Variants in ZSCAN5A observed in about 807,000 individuals in gnomAD.
The protein encoded by ZSCAN5A is zinc finger and SCAN domain-containing protein 5A.
In ZSCAN5A, 12 loss-of-function variants were observed where a neutral mutation model predicts 23.7. The observed-to-expected ratio is 0.51, with a 90% CI of 0.32 to 0.82. ZSCAN5A has a LOEUF of 0.82. ZSCAN5A is among the 40% of genes least tolerant of loss of function. ZSCAN5A has a pLI of 0.03. For synonymous variants in ZSCAN5A, 257 were observed against 239.9 expected (o/e 1.07, Z -0.66); for missense variants, 597 against 617.9 (o/e 0.97, Z 0.36).
At chr19:56,342,919 C>CA (rs2041605474) in intron 2 of ZSCAN5A, 2 of 1,014,834 alleles carry the variant, frequency 2.0e-6, no homozygotes, top group Non-Finnish European at 3.2e-6. Context: ...CCTCAGAGCT[C>CA]AGAGTTCCAT....
intron 2 of ZSCAN5A, among the ~76,000 whole-genome samples, chr19:56,236,953 C>T (rs113976093): frequency 3.8e-4 from 58 of 152,106 alleles, no homozygotes; most frequent in African/African-American, 1.4e-3. Context: ...CTCTGACGGA[C>T]GGTGGGCCAA....
chr19:56,296,943 C>T (rs750454647), intron 2 of ZSCAN5A, among the ~76,000 whole-genome samples: 15 of 152,032 alleles, frequency 9.9e-5, no homozygotes, highest in African/African-American at 3.1e-4. Flanking sequence ...GTGGTGTGCA[C>T]CTGTAATCCT....
chr19:56,296,808 TG>T (rs1409861827), intron 2 of ZSCAN5A, among the ~76,000 whole-genome samples: 3 of 152,006 alleles, frequency 2.0e-5, no homozygotes, highest in Admixed American at 2.0e-4. Flanking sequence ...CCGACGTGGG[TG>T]GATCACCTGA....
At chr19:56,244,520 T>C in intron 2 of ZSCAN5A, 2 of 1,362,508 alleles carry the variant, frequency 1.5e-6, no homozygotes, top group East Asian at 2.3e-5. Flanking sequence ...GGGGCTGCTC[T>C]AGGTCAGGGC....
chr19:56,286,974 G>A lies in ZSCAN5A; in HGVS notation c.-128+26309C>T, dbSNP rs535037197. Among the ~76,000 whole-genome samples, 9 of 152,360 alleles carry A rather than the reference G, an allele frequency of 5.9e-5. No homozygotes were observed. In the South Asian group the frequency reaches 1.0e-3, roughly 18 times the overall value. Reference sequence around the variant, plus strand: ...CCCGGTAAACCAGGATTCACAGCACGCACTGCACAGTGTGGTTGTGAGATT... The same window carrying A: ...CCCGGTAAACCAGGATTCACAGCACACACTGCACAGTGTGGTTGTGAGATT... On this transcript the variant is annotated intron_variant, in intron 2 of 5. Coordinates refer to ENST00000683990, the MANE Select transcript of ZSCAN5A (RefSeq NM_001322064.3).
At chr19:56,255,033 T>C (rs573996528) in intron 2 of ZSCAN5A, among the ~76,000 whole-genome samples, 41 of 152,036 alleles carry the variant, frequency 2.7e-4, no homozygotes, top group African/African-American at 9.4e-4. Context: ...AAACTGTGAG[T>C]TTTAAAATAT....
intron 2 of ZSCAN5A, among the ~76,000 whole-genome samples, chr19:56,346,582 A>G (rs541632754): frequency 1.3e-5 from 2 of 152,210 alleles, no homozygotes; most frequent in African/African-American, 4.8e-5. Context: ...AGCAAAATAA[A>G]CTTTAGATAT....
chr19:56,266,996 T>C (rs1156847974), intron 2 of ZSCAN5A, among the ~76,000 whole-genome samples: 1 of 152,152 alleles, frequency 6.6e-6, no homozygotes, highest in African/African-American at 2.4e-5. Flanking sequence ...TCTTTCTGCG[T>C]GTCAAATTCC....
chr19:56,259,385 A>T (rs2036958510), intron 2 of ZSCAN5A, among the ~76,000 whole-genome samples: 1 of 151,868 alleles, frequency 6.6e-6, no homozygotes, highest in Non-Finnish European at 1.5e-5. Flanking sequence ...TTCTGATCTT[A>T]CCCTCTTCTT....
intron 2 of ZSCAN5A, among the ~76,000 whole-genome samples, chr19:56,349,418 C>T (rs898185796): frequency 6.6e-6 from 1 of 152,054 alleles, no homozygotes; most frequent in African/African-American, 2.4e-5. Context: ...AGATCTTGGC[C>T]GAGCGCGGTG....
At chr19:56,248,126 C>G (rs1258808571) in intron 2 of ZSCAN5A, among the ~76,000 whole-genome samples, 1 of 150,294 alleles carries the variant, frequency 6.7e-6, no homozygotes, top group Non-Finnish European at 1.5e-5. Context: ...ATTAAATACA[C>G]AATGCCTGGG....
At chr19:56,241,899 T>C (rs1163823709) in intron 2 of ZSCAN5A, among the ~76,000 whole-genome samples, 3 of 152,200 alleles carry the variant, frequency 2.0e-5, no homozygotes, top group South Asian at 2.1e-4. Flanking sequence ...CATGAGTGTA[T>C]TGAGTGATGC....
intron 2 of ZSCAN5A, among the ~76,000 whole-genome samples, chr19:56,270,450 A>G (rs2146947091): frequency 6.6e-6 from 1 of 152,250 alleles, no homozygotes; most frequent in Non-Finnish European, 1.5e-5. Flanking sequence ...ATACATAGCT[A>G]GCAAGTTGTG....
chr19:56,328,845 A>G (rs548075115), intron 2 of ZSCAN5A, among the ~76,000 whole-genome samples: 64 of 151,228 alleles, frequency 4.2e-4, no homozygotes, highest in African/African-American at 1.5e-3. Flanking sequence ...AAAAAAAAAA[A>G]TTAGCTGGGC....
intron 2 of ZSCAN5A, chr19:56,340,899 G>GAA (rs10670767): frequency 0.25 from 37,928 of 152,112 alleles, 6,079 homozygotes; most frequent in African/African-American, 0.45. Context: ...GAAGTGAAAA[G>GAA]ATCTTCTTGT....
At chr19:56,292,687 A>C (rs543833230) in intron 2 of ZSCAN5A, among the ~76,000 whole-genome samples, 46 of 150,868 alleles carry the variant, frequency 3.0e-4, no homozygotes, top group Middle Eastern at 3.4e-3. Context: ...CTGCCCCACC[A>C]AAAAAAAAGT....
Position 56,222,295 on chromosome 19 carries a change from G to A in ZSCAN5A, c.771C>T (p.Asp257=), listed in dbSNP as rs75630877. ...TDLVRAKEGK[D]PPKIASVENV... ...TTTCCACAGAGGCTATTTTTGGGGG[G>A]TCCTTCCCCTCCTTTGCTCTCACCA... The change falls in exon 6 of 6, where the codon GAC becomes GAT. Residue 257 remains aspartate, a synonymous_variant. Coordinates refer to ENST00000683990, the MANE Select transcript of ZSCAN5A (RefSeq NM_001322064.3). The A allele has an allele frequency of 4.3e-6, 7 of 1,612,688 alleles. No individual in the cohort carries two copies. Among genetic ancestry groups the A allele is most frequent in the Non-Finnish European group, 5.1e-6 (6 of 1,179,852 alleles).
chr19:56,361,840 G>A (rs2041735304), intron 2 of ZSCAN5A, among the ~76,000 whole-genome samples: 1 of 152,020 alleles, frequency 6.6e-6, no homozygotes, highest in African/African-American at 2.4e-5. Context: ...TGCATATCCT[G>A]CACATGGTCT....
chr19:56,301,369 C>T (rs1004391518), intron 2 of ZSCAN5A, among the ~76,000 whole-genome samples: 3 of 152,016 alleles, frequency 2.0e-5, no homozygotes, highest in Non-Finnish European at 2.9e-5. Flanking sequence ...CTGAAGTTGC[C>T]ATGCCATCTG....
Sources: gnomAD v4.1 joint callset for allele counts (sites outside exome capture counted in the v4.1 genomes callset) on GRCh38, gnomAD v4.1.1 for gene constraint, MANE v1.5 for transcripts, NCBI Gene and HGNC (gene_info 2026-07-23, HGNC 2026-07-21) for gene names.